Variants in CGA observed in about 807,000 individuals in gnomAD.
The protein encoded by CGA is glycoprotein hormones, alpha polypeptide.
CGA carries 4 observed loss-of-function variants against 12.0 expected under a neutral mutation model. The observed-to-expected ratio is 0.33, with a 90% confidence interval of 0.16 to 0.76. CGA has a LOEUF of 0.76. Among genes scored for constraint, CGA ranks in the 30% least tolerant of loss-of-function variants. The probability of loss-of-function intolerance (pLI) is 0.60; values close to 1 mark genes in which losing one functional copy is unlikely to be tolerated. For missense variants in CGA, 102 were observed against 143.5 expected, an observed-to-expected ratio of 0.71 and a Z score of 1.48; for synonymous variants, 60 against 56.6, an observed-to-expected ratio of 1.06 and a Z score of -0.27.
chr6:87,086,950 G>A (rs1453085821), intron 2 of CGA, among the ~76,000 whole-genome samples: 2 of 152,034 alleles, frequency 1.3e-5, no homozygotes, highest in Non-Finnish European at 2.9e-5. Context: ...ATGGTGGCAG[G>A]TGCCTGTAAT....
intron 1 of CGA, 40 bp downstream of exon 1, chr6:87,094,973 C>A (rs1769510975): frequency 6.6e-6 from 1 of 152,182 alleles, no homozygotes; most frequent in African/African-American, 2.4e-5. Context: ...ATATTTTACT[C>A]CTCAATTAAA....
At chr6:87,086,229 T>C (rs1769319522) in intron 3 of CGA, 21 bp downstream of exon 3, 2 of 1,594,014 alleles carry the variant, frequency 1.3e-6, no homozygotes, top group Admixed American at 1.8e-5. Context: ...AGAAAGCTTC[T>C]GGGGATCTTG....
intron 1 of CGA, among the ~76,000 whole-genome samples, chr6:87,094,669 A>G (rs1769503577): frequency 6.6e-6 from 1 of 152,220 alleles, no homozygotes; most frequent in African/African-American, 2.4e-5. Flanking sequence ...CAATATCATA[A>G]TGTCTACTTG....
At chr6:87,085,877 G>A in intron 3 of CGA, 44 bp from the exon 4 acceptor site, 1 of 1,265,966 alleles carries the variant, frequency 7.9e-7, no homozygotes, top group South Asian at 1.3e-5. Context: ...TTAGATGATA[G>A]ATAGATAGAT....
At chr6:87,092,774 G>T (rs1231237884) in intron 1 of CGA, among the ~76,000 whole-genome samples, 1 of 125,862 alleles carries the variant, frequency 7.9e-6, no homozygotes, top group Non-Finnish European at 1.6e-5. Context: ...TTGAGACATG[G>T]TCTCACTCTG....
chr6:87,089,807 G>A (rs904500316), intron 1 of CGA, among the ~76,000 whole-genome samples: 10 of 152,090 alleles, frequency 6.6e-5, no homozygotes, highest in Non-Finnish European at 1.2e-4. Flanking sequence ...GCACCAACAT[G>A]ATTACACAAG....
intron 1 of CGA, among the ~76,000 whole-genome samples, chr6:87,092,074 C>T (rs925409255): frequency 1.0e-4 from 14 of 136,422 alleles, no homozygotes; most frequent in Non-Finnish European, 1.6e-5. Context: ...AGGCATCTTA[C>T]TTTAAAAGGA....
chr6:87,087,099 A>ACAAGG (rs1293487609), intron 2 of CGA, among the ~76,000 whole-genome samples: 1 of 152,208 alleles, frequency 6.6e-6, no homozygotes, highest in Non-Finnish European at 1.5e-5. Context: ...GCAAGGCAAG[A>ACAAGG]CAAGGCAAGG....
chr6:87,091,677 T>G (rs1422798530), intron 1 of CGA, among the ~76,000 whole-genome samples: 1 of 152,170 alleles, frequency 6.6e-6, no homozygotes, highest in Non-Finnish European at 1.5e-5. Context: ...AACATGAGTT[T>G]TCTCAACTTG....
chr6:87,090,804 AT>A (rs71014987), intron 1 of CGA, among the ~76,000 whole-genome samples: 156 of 140,348 alleles, frequency 1.1e-3, no homozygotes, highest in South Asian at 1.1e-3. Flanking sequence ...CGCTTGGCTA[AT>A]TTTTTTTTTT....
At chr6:87,093,401 C>T (rs1348461201) in intron 1 of CGA, among the ~76,000 whole-genome samples, 3 of 152,322 alleles carry the variant, frequency 2.0e-5, no homozygotes, top group African/African-American at 4.8e-5. Flanking sequence ...TGGATCATTT[C>T]TACAATGTTA....
chr6:87,090,321 G>T (rs548529897), intron 1 of CGA, among the ~76,000 whole-genome samples: 2 of 151,978 alleles, frequency 1.3e-5, no homozygotes, highest in South Asian at 2.1e-4. Context: ...CATCCTCTTG[G>T]GTGTTCAGAG....
At chr6:87,086,520 T>C (rs775989025) in intron 2 of CGA, 86 bp from the exon 3 acceptor site, 15 of 1,301,898 alleles carry the variant, frequency 1.2e-5, no homozygotes, top group African/African-American at 1.5e-5. Context: ...CTCACGCCTG[T>C]AATCCTAGCA....
chr6:87,086,032 C>T (rs954197004), intron 3 of CGA, 199 bp from the exon 4 acceptor site: 8 of 650,156 alleles, frequency 1.2e-5, no homozygotes, highest in African/African-American at 7.3e-5. Flanking sequence ...CCCTTGTCAC[C>T]TCTACCCCTA....
At chr6:87,091,412 TTC>T (rs1313482235) in intron 1 of CGA, among the ~76,000 whole-genome samples, 1 of 152,216 alleles carries the variant, frequency 6.6e-6, no homozygotes, top group Non-Finnish European at 1.5e-5. Context: ...CCTCAGGTTT[TTC>T]TGTTTTAAAA....
chr6:87,093,692 C>G (rs1267683548), intron 1 of CGA, among the ~76,000 whole-genome samples: 1 of 152,216 alleles, frequency 6.6e-6, no homozygotes, highest in Non-Finnish European at 1.5e-5. Flanking sequence ...TTAGCCATTT[C>G]TGTTACCCAG....
intron 2 of CGA, 41 bp downstream of exon 2, chr6:87,088,072 G>C (rs752689348): frequency 8.9e-7 from 1 of 1,126,228 alleles, no homozygotes. Context: ...CTAGAAATGT[G>C]TGTTGTCCTT....
intron 1 of CGA, among the ~76,000 whole-genome samples, chr6:87,090,665 T>A (rs1769415394): frequency 6.7e-6 from 1 of 149,120 alleles, no homozygotes; most frequent in African/African-American, 2.5e-5. Flanking sequence ...TGAGATTGAG[T>A]CTCCCTCTAT....
Position 87,085,612 on chromosome 6 carries a change from A to G in CGA, c.*144T>C, listed in dbSNP as rs1052639864. The stretch of plus-strand genomic sequence containing the variant: ...ACTGTAGGATAAGGAGGAAGGCAGT[A>G]AAGCTGCAGTATATCCTTGAAGCGT... On this transcript the variant is annotated 3_prime_UTR_variant, in exon 4 of 4. Transcript: ENST00000627148. The G allele has an allele frequency of 1.6e-6, 1 of 639,958 alleles. No individual in the cohort carries two copies. The highest frequency in any genetic ancestry group is 2.5e-5 in the Admixed American group (1 of 39,600). 39.6% of individuals were successfully genotyped at this position (639,958 alleles called of 1,614,324 possible). A position where few individuals can be genotyped will look rare whatever the true frequency, so the allele number is the denominator to read the frequency against.
Sources: allele counts gnomAD v4.1 joint callset (sites outside exome capture counted in the v4.1 genomes callset), GRCh38; gene constraint gnomAD v4.1.1; transcripts MANE v1.5; gene names NCBI Gene and HGNC (gene_info 2026-07-23, HGNC 2026-07-21).